The following TNR variants were observed in gnomAD, a reference collection of about 807,000 sequenced individuals.
TNR encodes the protein tenascin-R.
Under a neutral mutation model 150.4 loss-of-function variants are expected in TNR, and 45 were observed. That is an observed-to-expected ratio of 0.30 (90% CI 0.24 to 0.38). TNR has a LOEUF of 0.38. TNR is among the 10% of genes least tolerant of loss of function. TNR has a pLI of 1.00. For synonymous variants in TNR, 687 were observed against 678.4 expected, an observed-to-expected ratio of 1.01 and a Z score of -0.20; for missense variants, 1,544 against 1,759.1, an observed-to-expected ratio of 0.88 and a Z score of 2.19.
chr1:175,408,422 G>T (rs891751664), intron 2 of TNR, among the ~76,000 whole-genome samples: 4 of 152,190 alleles, frequency 2.6e-5, no homozygotes, highest in African/African-American at 9.6e-5. Context: ...CCTGAGGGTT[G>T]ATTTTATTAG....
intron 2 of TNR, among the ~76,000 whole-genome samples, chr1:175,517,542 G>C (rs1659464009): frequency 6.6e-6 from 1 of 152,112 alleles, no homozygotes; most frequent in Non-Finnish European, 1.5e-5. Context: ...TGAAAAAATG[G>C]AATAATCTCA....
At chr1:175,457,186 G>A (rs1246286168) in intron 2 of TNR, among the ~76,000 whole-genome samples, 2 of 152,178 alleles carry the variant, frequency 1.3e-5, no homozygotes, top group African/African-American at 4.8e-5. Flanking sequence ...TAACACTTGG[G>A]TAGAACAGCA....
intron 1 of TNR, among the ~76,000 whole-genome samples, chr1:175,630,887 G>A (rs1344821999): frequency 6.6e-6 from 1 of 152,210 alleles, no homozygotes; most frequent in African/African-American, 2.4e-5. Context: ...GCAGGGCAGG[G>A]CCCAGGCCTC....
intron 2 of TNR, among the ~76,000 whole-genome samples, chr1:175,408,568 C>A (rs573437961): frequency 2.2e-4 from 34 of 152,174 alleles, no homozygotes; most frequent in Non-Finnish European, 4.3e-4. Flanking sequence ...AGACTATAGA[C>A]TCTGGAGCCT....
intron 1 of TNR, among the ~76,000 whole-genome samples, chr1:175,689,084 A>T (rs944941093): frequency 6.6e-6 from 1 of 152,236 alleles, no homozygotes; most frequent in Non-Finnish European, 1.5e-5. Context: ...GCAGGCCTCA[A>T]TGCCCTGGCT....
At chr1:175,677,844 C>T (rs141842180) in intron 1 of TNR, among the ~76,000 whole-genome samples, 14 of 152,090 alleles carry the variant, frequency 9.2e-5, no homozygotes, top group Admixed American at 3.9e-4. Context: ...GGTTTGAAAA[C>T]GGCAAAGGGC....
intron 1 of TNR, among the ~76,000 whole-genome samples, chr1:175,709,232 C>T (rs1023001996): frequency 3.3e-5 from 5 of 151,908 alleles, no homozygotes; most frequent in South Asian, 4.2e-4. Flanking sequence ...TGGAATGTGA[C>T]GATATGCCTT....
At chr1:175,330,441 T>C (rs976848604) in intron 20 of TNR, 20 of 453,196 alleles carry the variant, frequency 4.4e-5, no homozygotes, top group Non-Finnish European at 7.1e-5. Context: ...CCAGGTCTGC[T>C]GATGGGTTTC....
intron 1 of TNR, among the ~76,000 whole-genome samples, chr1:175,562,953 G>A (rs552334695): frequency 2.0e-5 from 3 of 152,300 alleles, no homozygotes; most frequent in African/African-American, 4.8e-5. Context: ...CAAGTTCCAC[G>A]AAGAGATCGA....
intron 1 of TNR, among the ~76,000 whole-genome samples, chr1:175,598,460 C>T (rs544044521): frequency 6.6e-6 from 1 of 152,190 alleles, no homozygotes; most frequent in African/African-American, 2.4e-5. Context: ...ATATTAAATG[C>T]TGCAGGAATT....
intron 1 of TNR, chr1:175,656,738 T>C (rs896484409): frequency 2.6e-5 from 4 of 152,506 alleles, no homozygotes; most frequent in African/African-American, 7.2e-5. Context: ...GAGAACTCTG[T>C]GGGTGTGGGG....
intron 4 of TNR, among the ~76,000 whole-genome samples, chr1:175,402,361 CTT>C (rs765661528): frequency 2.4e-5 from 3 of 126,320 alleles, no homozygotes; most frequent in Admixed American, 7.7e-5. Flanking sequence ...CAATGAGATA[CTT>C]TTTTTTTTTT....
intron 1 of TNR, among the ~76,000 whole-genome samples, chr1:175,687,932 A>C (rs1452793970): frequency 6.6e-6 from 1 of 151,738 alleles, no homozygotes; most frequent in East Asian, 1.9e-4. Context: ...CATCTCAAAC[A>C]CCCAGGGATT....
intron 2 of TNR, among the ~76,000 whole-genome samples, chr1:175,412,091 T>C (rs1318593028): frequency 1.3e-5 from 2 of 152,110 alleles, no homozygotes; most frequent in Non-Finnish European, 2.9e-5. Context: ...AGGTCCTCTT[T>C]CTATCTCCAT....
chr1:175,557,832 T>C (rs1661236245), intron 1 of TNR, among the ~76,000 whole-genome samples: 1 of 123,412 alleles, frequency 8.1e-6, no homozygotes, highest in Non-Finnish European at 1.7e-5. Flanking sequence ...CGTATGTTTA[T>C]TGCGGCATTA....
chr1:175,692,648 C>T (rs12078532), intron 1 of TNR, among the ~76,000 whole-genome samples: 62,177 of 151,754 alleles, frequency 0.41, 13,602 homozygotes, highest in East Asian at 0.7. Context: ...GGAGAGGTGG[C>T]CAGAGGAGTT....
chr1:175,400,914 T>C (rs1317212785), intron 4 of TNR, among the ~76,000 whole-genome samples: 2 of 152,192 alleles, frequency 1.3e-5, no homozygotes, highest in Non-Finnish European at 2.9e-5. Context: ...GCACTTGGTT[T>C]AAAAAGCAGG....
intron 8 of TNR, among the ~76,000 whole-genome samples, chr1:175,384,430 C>T (rs550634336): frequency 2.0e-4 from 31 of 152,356 alleles, no homozygotes; most frequent in Admixed American, 1.8e-3. Flanking sequence ...CCACTGGGCA[C>T]CCCCTGGGTG....
At chr1:175,562,682 A>G (rs1345698263) in intron 1 of TNR, among the ~76,000 whole-genome samples, 1 of 152,222 alleles carries the variant, frequency 6.6e-6, no homozygotes, top group Non-Finnish European at 1.5e-5. Flanking sequence ...AAGGAGAGCT[A>G]CTGGGGCTCA....
Sources: gnomAD v4.1 joint callset for allele counts (sites outside exome capture counted in the v4.1 genomes callset) on GRCh38, gnomAD v4.1.1 for gene constraint, MANE v1.5 for transcripts, NCBI Gene and HGNC (gene_info 2026-07-23, HGNC 2026-07-21) for gene names.